TG: variants seen among roughly 807,000 people sequenced by gnomAD.
TG encodes thyroglobulin.
Under a neutral mutation model 324.7 loss-of-function variants are expected in TG, and 270 were observed. That is an observed-to-expected ratio of 0.83 (90% CI 0.75 to 0.92). TG has a LOEUF of 0.92. Ranked by LOEUF, TG falls within the 40% of genes least tolerant of loss-of-function variation. The pLI, the probability that TG is intolerant of heterozygous loss-of-function variation, is 0.00. For synonymous variants in TG, 1,401 were observed against 1,327.0 expected (o/e 1.06, Z -1.21); for missense variants, 3,591 against 3,456.4 (o/e 1.04, Z -0.98).
intron 43 of TG, among the ~76,000 whole-genome samples, chr8:133,096,592 G>A (rs1848450378): frequency 6.6e-6 from 1 of 152,202 alleles, no homozygotes. Context: ...AGCTGTGAAT[G>A]AATCGCTGTG....
At chr8:132,976,067 A>C (rs1415647909) in intron 34 of TG, among the ~76,000 whole-genome samples, 1 of 152,230 alleles carries the variant, frequency 6.6e-6, no homozygotes, top group Non-Finnish European at 1.5e-5. Flanking sequence ...ATGAGGAAAT[A>C]TGATTAAATA....
At chr8:133,049,656 A>C in intron 41 of TG, 1 of 498,708 alleles carries the variant, frequency 2.0e-6, no homozygotes. Context: ...TGCCAGGAGC[A>C]CCATGTTAGA....
chr8:132,915,038 G>A (rs1036193301), intron 20 of TG, among the ~76,000 whole-genome samples: 2 of 152,122 alleles, frequency 1.3e-5, no homozygotes, highest in African/African-American at 2.4e-5. Flanking sequence ...ATATGCATAT[G>A]TGTGAGTGTG....
rs187942130 is a variant in TG at position 132,946,326 on chromosome 8, G to A, written c.5234-2450G>A. Among the ~76,000 whole-genome samples the A allele has an allele frequency of 1.1e-4, 17 of 152,156 alleles. No individual in the cohort carries two copies. In the East Asian group the frequency reaches 2.3e-3, roughly 21 times the overall value. ...TTTTTTTCCATGATATTTCTGGCTGGCAGCTTGCTTGCTTTTCCCTCCAAG... is the reference window on the plus strand; with the variant it reads ...TTTTTTTCCATGATATTTCTGGCTGACAGCTTGCTTGCTTTTCCCTCCAAG... On this transcript the variant is annotated intron_variant, in intron 26 of 47. Coordinates refer to ENST00000220616, the MANE Select transcript of TG (RefSeq NM_003235.5).
chr8:132,929,922 G>T (rs1296258201), intron 23 of TG, among the ~76,000 whole-genome samples: 5 of 152,172 alleles, frequency 3.3e-5, no homozygotes, highest in African/African-American at 1.2e-4. Flanking sequence ...ATACTGCCGA[G>T]GCTTGGGGTA....
Position 133,022,222 on chromosome 8 carries a change from T to A in TG, c.7036+72T>A, listed in dbSNP as rs1835632772. 4 of 1,596,318 alleles carry A rather than the reference T, an allele frequency of 2.5e-6. No individual in the cohort carries two copies. In the Admixed American group the frequency reaches 5.0e-5, roughly 20 times the overall value. On this transcript the variant is annotated intron_variant, in intron 40 of 47. Transcript: ENST00000220616. ...CTCAGCCCCTTTTCCCCAAGACCCATCCCCTCACTGCCCCTGCTCCTCCTC... is the reference window on the plus strand; with the variant it reads ...CTCAGCCCCTTTTCCCCAAGACCCAACCCCTCACTGCCCCTGCTCCTCCTC...
chr8:132,897,014 T>A (rs16904781), intron 11 of TG, among the ~76,000 whole-genome samples: 16,287 of 152,214 alleles, frequency 0.11, 1,073 homozygotes, highest in East Asian at 0.35. Context: ...GTAAAAGTTC[T>A]GGCTTCATGG....
At chr8:132,981,437 T>C (rs1830831945) in intron 34 of TG, among the ~76,000 whole-genome samples, 1 of 152,214 alleles carries the variant, frequency 6.6e-6, no homozygotes, top group Non-Finnish European at 1.5e-5. Context: ...AGTCAAATTA[T>C]TCTCTGAAGA....
chr8:132,943,215 G>T (rs1265465999), intron 26 of TG, among the ~76,000 whole-genome samples: 1 of 152,086 alleles, frequency 6.6e-6, no homozygotes, highest in East Asian at 1.9e-4. Context: ...GGAGGTGTTG[G>T]GTAACAGGGG....
chr8:133,009,658 A>T (rs1333897474), intron 35 of TG, among the ~76,000 whole-genome samples: 2 of 151,956 alleles, frequency 1.3e-5, no homozygotes, highest in Non-Finnish European at 2.9e-5. Context: ...TTGGGCACTG[A>T]TCAGGGTGCA....
At chr8:133,020,218 A>G (rs1391344359) in intron 39 of TG, among the ~76,000 whole-genome samples, 4 of 152,286 alleles carry the variant, frequency 2.6e-5, no homozygotes, top group South Asian at 4.1e-4. Flanking sequence ...TTCTTAGGGC[A>G]TTTCCCAGTA....
At chr8:133,012,169 GGAA>G in intron 36 of TG, 134 bp downstream of exon 36, 2 of 1,333,468 alleles carry the variant, frequency 1.5e-6, no homozygotes, top group South Asian at 2.5e-5. Flanking sequence ...ATTAACCTGG[GGAA>G]GAAGACCTGG....
chr8:133,022,024 A>G lies in TG; in HGVS notation c.6910A>G (p.Asn2304Asp). The change falls in exon 40 of 48, where the codon AAC becomes GAC. Residue 2304 changes from asparagine to aspartate, a missense_variant. Coordinates refer to ENST00000220616, the MANE Select transcript of TG (RefSeq NM_003235.5). Reference protein sequence around the residue: ...PNASVLVFFHNTMDREESEGW... With the variant: ...PNASVLVFFHDTMDREESEGW... ...CGCGTCTGTGCTGGTGTTCTTCCAC[A>G]ACACCATGGACAGGGAGGAGAGTGA... 3 of 1,614,134 alleles carry G rather than the reference A, an allele frequency of 1.9e-6. No homozygotes were observed. The highest frequency in any genetic ancestry group is 2.5e-6 in the Non-Finnish European group (3 of 1,180,022).
At chr8:133,032,144 G>T (rs1836700777) in intron 41 of TG, among the ~76,000 whole-genome samples, 1 of 152,176 alleles carries the variant, frequency 6.6e-6, no homozygotes, top group Admixed American at 6.5e-5. Context: ...GCAGATGACT[G>T]GGGGAAGTTT....
chr8:132,907,252 TGACATGCTCA>T (rs1818825425), intron 17 of TG, among the ~76,000 whole-genome samples: 1 of 152,154 alleles, frequency 6.6e-6, no homozygotes, highest in Non-Finnish European at 1.5e-5. Flanking sequence ...TCAGCAGCTC[TGACATGCTCA>T]GAGCTGCTCT....
chr8:133,093,139 CTTTTTTTT>C (rs752795832), intron 41 of TG, among the ~76,000 whole-genome samples: 94 of 146,408 alleles, frequency 6.4e-4, no homozygotes, highest in South Asian at 1.1e-3. Context: ...CTTTTCTTTT[CTTTTTTTT>C]TTTTAATTTA....
chr8:132,882,396 C>G, intron 6 of TG, 73 bp from the exon 7 acceptor site: 1 of 1,547,340 alleles, frequency 6.5e-7, no homozygotes, highest in Non-Finnish European at 8.9e-7. Flanking sequence ...CTCTCAGTAT[C>G]TGTTTGCACA....
At chr8:132,987,525 C>G (rs1183488527) in intron 35 of TG, among the ~76,000 whole-genome samples, 1 of 152,116 alleles carries the variant, frequency 6.6e-6, no homozygotes, top group Non-Finnish European at 1.5e-5. Flanking sequence ...ATAGCATGGT[C>G]TGTTTTTCAA....
At position 133,070,029 on chromosome 8, in the gene TG, A is replaced by AAAAAAAAAAAAAAAAAAC. The variant is rs376711807; in HGVS notation, c.7240-25014_7240-25013insAAAAAAAAAAAAAAAACA. Among the ~76,000 whole-genome samples the AAAAAAAAAAAAAAAAAAC allele has an allele frequency of 8.2e-5, 9 of 109,806 alleles. 2 individuals are homozygous for AAAAAAAAAAAAAAAAAAC. Among genetic ancestry groups the AAAAAAAAAAAAAAAAAAC allele is most frequent in the African/African-American group, 3.5e-4 (9 of 25,784 alleles). 72.0% of individuals were successfully genotyped at this position (109,806 alleles called of 152,430 possible). A position where few individuals can be genotyped will look rare whatever the true frequency, so the allele number is the denominator to read the frequency against. On this transcript the variant is annotated intron_variant, in intron 41 of 47. Coordinates refer to ENST00000220616, the MANE Select transcript of TG (RefSeq NM_003235.5). ...AAAAAAAAAAAAAAAAAAAAAAAGA[A>AAAAAAAAAAAAAAAAAAC]AGAAAGAAAGAAAAGAAAAGAAGAA... is the stretch of plus-strand genomic sequence containing the variant.
Sources: gnomAD v4.1 joint callset for allele counts (sites outside exome capture counted in the v4.1 genomes callset) on GRCh38, gnomAD v4.1.1 for gene constraint, MANE v1.5 for transcripts, NCBI Gene and HGNC (gene_info 2026-07-23, HGNC 2026-07-21) for gene names.